The following RPP30 variants were observed in gnomAD, a reference collection of about 807,000 sequenced individuals.
RPP30 encodes the protein ribonuclease P protein subunit p30.
In RPP30, 36 loss-of-function variants were observed where a neutral mutation model predicts 38.6. The ratio of observed to expected loss-of-function variants is 0.93; its 90% confidence interval spans 0.71 to 1.23. RPP30 has a LOEUF of 1.23. Among genes scored for constraint, RPP30 ranks in the 50% most tolerant of loss-of-function variants. The probability of loss-of-function intolerance (pLI) is 0.00; values close to 1 mark genes in which losing one functional copy is unlikely to be tolerated. For synonymous variants in RPP30, 126 were observed against 112.7 expected, an observed-to-expected ratio of 1.12 and a Z score of -0.75; for missense variants, 321 against 321.7, an observed-to-expected ratio of 1.00 and a Z score of 0.02.
chr10:90,883,687 A>G (rs574082988), intron 5 of RPP30, among the ~76,000 whole-genome samples: 98 of 152,350 alleles, frequency 6.4e-4, no homozygotes, highest in African/African-American at 2.3e-3. Flanking sequence ...GAAGAAAGGA[A>G]CAATGTGTAA....
At chr10:90,898,449 G>C (rs899606494) in intron 10 of RPP30, among the ~76,000 whole-genome samples, 1 of 152,064 alleles carries the variant, frequency 6.6e-6, no homozygotes, top group African/African-American at 2.4e-5. Flanking sequence ...ATTCAGCCTA[G>C]GTAATATTAG....
chr10:90,883,926 A>C (rs1846964375), intron 5 of RPP30, among the ~76,000 whole-genome samples: 2 of 152,118 alleles, frequency 1.3e-5, no homozygotes, highest in Admixed American at 1.3e-4. Context: ...AATATTATTT[A>C]CCTCGTCTTT....
intron 10 of RPP30, among the ~76,000 whole-genome samples, chr10:90,899,824 G>T (rs1258193847): frequency 6.6e-6 from 1 of 151,936 alleles, no homozygotes; most frequent in East Asian, 1.9e-4. Flanking sequence ...TGTGCTTCTC[G>T]CATGCATGTA....
At chr10:90,886,232 G>A (rs564871458) in intron 6 of RPP30, among the ~76,000 whole-genome samples, 2 of 152,112 alleles carry the variant, frequency 1.3e-5, no homozygotes, top group East Asian at 1.9e-4. Context: ...AAAAAGAAGA[G>A]GAAGGGAAAA....
intron 6 of RPP30, among the ~76,000 whole-genome samples, chr10:90,889,041 TAAAG>T (rs1243002066): frequency 1.3e-5 from 2 of 152,280 alleles, no homozygotes; most frequent in East Asian, 3.9e-4. Context: ...TATTTTTTAT[TAAAG>T]AGAGAAAGTT....
At chr10:90,872,117 A>G in intron 1 of RPP30, 49 bp downstream of exon 1, 2 of 1,456,302 alleles carry the variant, frequency 1.4e-6, no homozygotes, top group Non-Finnish European at 1.9e-6. Context: ...CACCCAGACC[A>G]TCGGGCCACA....
At chr10:90,899,924 G>C (rs1847182301) in intron 10 of RPP30, among the ~76,000 whole-genome samples, 1 of 152,132 alleles carries the variant, frequency 6.6e-6, no homozygotes, top group Non-Finnish European at 1.5e-5. Flanking sequence ...AGGAAAAATT[G>C]GTTAAATTTA....
intron 5 of RPP30, among the ~76,000 whole-genome samples, chr10:90,880,338 T>C (rs1273382494): frequency 6.7e-6 from 1 of 150,170 alleles, no homozygotes; most frequent in Non-Finnish European, 1.5e-5. Context: ...TTTCAAGACA[T>C]ACTGTCAATT....
At chr10:90,894,109 TG>T (rs896529529) in intron 6 of RPP30, among the ~76,000 whole-genome samples, 1 of 152,182 alleles carries the variant, frequency 6.6e-6, no homozygotes, top group Non-Finnish European at 1.5e-5. Flanking sequence ...ATAAGCCCAG[TG>T]AAAAATCAGG....
intron 1 of RPP30, 101 bp downstream of exon 1, chr10:90,872,169 C>T (rs1163696357): frequency 9.9e-7 from 1 of 1,012,956 alleles, no homozygotes; most frequent in South Asian, 1.3e-5. Context: ...GTCAGGTCTC[C>T]CAGAGTCTCT....
intron 5 of RPP30, among the ~76,000 whole-genome samples, chr10:90,881,376 G>A (rs1001145064): frequency 6.6e-6 from 1 of 152,112 alleles, no homozygotes. Flanking sequence ...AGACTATGTT[G>A]TAATTTCATA....
chr10:90,886,983 G>GTAT (rs1403536964), intron 6 of RPP30, among the ~76,000 whole-genome samples: 1 of 152,048 alleles, frequency 6.6e-6, no homozygotes, highest in Non-Finnish European at 1.5e-5. Flanking sequence ...AGTAGTAGTA[G>GTAT]TAGAGACAGG....
chr10:90,881,551 C>T (rs529577815), intron 5 of RPP30, among the ~76,000 whole-genome samples: 11 of 152,236 alleles, frequency 7.2e-5, no homozygotes, highest in East Asian at 1.9e-4. Context: ...TAAATGAGAA[C>T]GCAGTTTTAA....
rs202106903 is a variant in RPP30 at position 90,875,624 on chromosome 10, T to C, written c.195+10T>C. The C allele has an allele frequency of 2.3e-5, 37 of 1,609,540 alleles. No individual in the cohort carries two copies. The highest frequency in any genetic ancestry group is 3.3e-4 in the Middle Eastern group (2 of 6,038). ...TTTGCCAATTGTACAGGTAGGTGTT[T>C]TGTTGTTTACGAAGCATAATATCTA... On this transcript the variant is annotated intron_variant, in intron 3 of 10. Coordinates refer to ENST00000371703, the MANE Select transcript of RPP30 (RefSeq NM_006413.5).
chr10:90,888,218 T>A (rs1847026031), intron 6 of RPP30, among the ~76,000 whole-genome samples: 1 of 152,216 alleles, frequency 6.6e-6, no homozygotes, highest in African/African-American at 2.4e-5. Flanking sequence ...GGAAGGTCAT[T>A]TTCTAGATGG....
Position 90,871,994 on chromosome 10 carries a change from T to C in RPP30, c.8T>C (p.Val3Ala). The C allele has an allele frequency of 3.7e-6, 6 of 1,613,672 alleles. No homozygotes were observed. Among genetic ancestry groups the C allele is most frequent in the Non-Finnish European group, 5.1e-6 (6 of 1,179,774 alleles). Reference protein sequence around the residue: MAVFADLDLRAGS... With the variant: MAAFADLDLRAGS... ...CGGTCATGGGACTTCAGCATGGCGG[T>C]GTTTGCAGATTTGGACCTGCGAGCG... The change falls in exon 1 of 11, where the codon GTG (valine) becomes GCG (alanine). Residue 3 changes from valine (V) to alanine (A), a missense_variant. Val to Ala is a moderately conservative substitution (Grantham distance 64). Transcript: ENST00000371703.
intron 6 of RPP30, among the ~76,000 whole-genome samples, chr10:90,893,809 C>T (rs936057241): frequency 6.6e-6 from 1 of 152,182 alleles, no homozygotes; most frequent in African/African-American, 2.4e-5. Flanking sequence ...GATCATCTCC[C>T]CCACTAAAAT....
In RPP30 at chr10:90,896,692, A is replaced by T. The variant is rs563177519; in HGVS notation, c.697+300A>T. Among the ~76,000 whole-genome samples, 23 of 152,232 alleles carry T rather than the reference A, an allele frequency of 1.5e-4. 1 individual carries two copies. The East Asian group carries it at 4.2e-3, about 28-fold the overall frequency. ...TAATCTCCCTTCCTTCTTCTCCCTCACCAGAAGGCCATGCTTTCCCTGTTG... is the reference window on the plus strand; with the variant it reads ...TAATCTCCCTTCCTTCTTCTCCCTCTCCAGAAGGCCATGCTTTCCCTGTTG... On this transcript the variant is annotated intron_variant, in intron 10 of 10. Coordinates refer to ENST00000371703, the MANE Select transcript of RPP30 (RefSeq NM_006413.5).
intron 1 of RPP30, among the ~76,000 whole-genome samples, chr10:90,874,038 G>C (rs1393540420): frequency 6.6e-6 from 1 of 152,204 alleles, no homozygotes; most frequent in Non-Finnish European, 1.5e-5. Flanking sequence ...CTCAACACCA[G>C]TTTAGGGCTT....
Sources: allele counts gnomAD v4.1 joint callset (sites outside exome capture counted in the v4.1 genomes callset), GRCh38; gene constraint gnomAD v4.1.1; transcripts MANE v1.5; gene names NCBI Gene and HGNC (gene_info 2026-07-23, HGNC 2026-07-21).